ACTR3C: variants seen among roughly 807,000 people sequenced by gnomAD.
The protein encoded by ACTR3C is actin-related protein 3C.
A neutral mutation model predicts 26.3 loss-of-function variants in ACTR3C; 18 were observed. That is an observed-to-expected ratio of 0.68 (90% CI 0.47 to 1.01). The LOEUF is 1.01. Among genes scored for constraint, ACTR3C ranks in the 50% least tolerant of loss-of-function variants. The pLI, the probability that ACTR3C is intolerant of heterozygous loss-of-function variation, is 0.00. For synonymous variants in ACTR3C, 55 were observed against 94.5 expected (o/e 0.58, Z 2.42); for missense variants, 184 against 250.7 (o/e 0.73, Z 1.80).
the ACTR3C span, among the ~76,000 whole-genome samples, chr7:149,967,028 A>ATTTTTTTTTTTTTTTT: frequency 6.2e-5 from 4 of 64,706 alleles, 2 homozygotes; most frequent in Non-Finnish European, 5.7e-5. Context: ...TGCACAGCTA[A>ATTTTTTTTTTTTTTTT]TTTTTTTTTT....
chr7:150,136,262 C>T, the ACTR3C span, among the ~76,000 whole-genome samples: 2 of 152,320 alleles, frequency 1.3e-5, no homozygotes, highest in Non-Finnish European at 2.9e-5. Flanking sequence ...GCGGTAGCGT[C>T]TCCAGAACCT....
At chr7:150,046,705 C>T in the ACTR3C span, among the ~76,000 whole-genome samples, 2 of 143,492 alleles carry the variant, frequency 1.4e-5, no homozygotes, top group Non-Finnish European at 3.0e-5. Context: ...CAGTTTCCTC[C>T]CTTCTAAGTC....
the ACTR3C span, among the ~76,000 whole-genome samples, chr7:149,943,166 T>G: frequency 6.9e-6 from 1 of 145,566 alleles, no homozygotes; most frequent in Non-Finnish European, 1.5e-5. Flanking sequence ...ATCTATGTGT[T>G]GACTATTGCT....
the ACTR3C span, among the ~76,000 whole-genome samples, chr7:149,906,674 C>T: frequency 3.4e-4 from 48 of 141,142 alleles, no homozygotes; most frequent in Non-Finnish European, 7.6e-5. Flanking sequence ...TCAGGTGATT[C>T]GCCCACCTTG....
intron 6 of ACTR3C, among the ~76,000 whole-genome samples, chr7:150,278,772 A>T (rs561141698): frequency 2.0e-5 from 3 of 152,330 alleles, no homozygotes; most frequent in African/African-American, 7.2e-5. Context: ...AATAGAAGTT[A>T]TGAGGGATAT....
At chr7:149,956,341 G>T in the ACTR3C span, among the ~76,000 whole-genome samples, 1 of 152,166 alleles carries the variant, frequency 6.6e-6, no homozygotes, top group Non-Finnish European at 1.5e-5. Flanking sequence ...AGGATCACTT[G>T]AGTCCAGGAG....
chr7:150,035,537 C>T, the ACTR3C span, among the ~76,000 whole-genome samples: 1 of 126,580 alleles, frequency 7.9e-6, no homozygotes, highest in Non-Finnish European at 1.8e-5. Context: ...GGGGTGCCTC[C>T]CCCTCCTGCG....
the ACTR3C span, among the ~76,000 whole-genome samples, chr7:149,992,062 G>A: frequency 1.4e-5 from 2 of 148,008 alleles, 1 homozygote; most frequent in Non-Finnish European, 3.0e-5. Context: ...TTGAGTGTTT[G>A]TTATGTAAGC....
chr7:150,103,816 T>G, the ACTR3C span, among the ~76,000 whole-genome samples: 6 of 152,054 alleles, frequency 3.9e-5, no homozygotes, highest in African/African-American at 1.5e-4. Flanking sequence ...TACACATGAT[T>G]GGTTTCCTTT....
At chr7:150,058,771 T>G in the ACTR3C span, among the ~76,000 whole-genome samples, 1 of 151,992 alleles carries the variant, frequency 6.6e-6, no homozygotes, top group Non-Finnish European at 1.5e-5. Context: ...AAAAATTAGC[T>G]GGACCTGGTG....
At chr7:150,203,802 G>C in the ACTR3C span, among the ~76,000 whole-genome samples, 2 of 152,054 alleles carry the variant, frequency 1.3e-5, no homozygotes, top group Admixed American at 1.3e-4. Flanking sequence ...CTTGACCTCA[G>C]GTGATCCACC....
chr7:150,287,835 C>T (rs1835908969), intron 4 of ACTR3C, among the ~76,000 whole-genome samples: 2 of 145,168 alleles, frequency 1.4e-5, no homozygotes, highest in African/African-American at 5.4e-5. Flanking sequence ...GAGACAAAGG[C>T]ATTCAGTTCT....
intron 1 of ACTR3C, 134 bp downstream of exon 1, chr7:150,323,335 G>C (rs1343851289): frequency 7.3e-6 from 2 of 273,822 alleles, no homozygotes; most frequent in Non-Finnish European, 1.4e-5. Context: ...CTTTGGCCAG[G>C]CCCCCTGGGC....
At chr7:150,130,303 GA>G in the ACTR3C span, among the ~76,000 whole-genome samples, 3 of 152,036 alleles carry the variant, frequency 2.0e-5, no homozygotes, top group East Asian at 3.9e-4. Flanking sequence ...AATCACAAAA[GA>G]AAAAAATTGA....
intron 6 of ACTR3C, among the ~76,000 whole-genome samples, chr7:150,279,615 A>T (rs963163815): frequency 6.6e-6 from 1 of 151,982 alleles, no homozygotes; most frequent in Admixed American, 6.5e-5. Flanking sequence ...GCTCTGGCCA[A>T]AACAGGCACC....
chr7:150,314,766 C>T (rs1406513330), intron 1 of ACTR3C, among the ~76,000 whole-genome samples: 1 of 144,650 alleles, frequency 6.9e-6, no homozygotes, highest in Non-Finnish European at 1.5e-5. Context: ...AAAATCCCAT[C>T]TCTCCAAAAA....
the ACTR3C span, among the ~76,000 whole-genome samples, chr7:149,937,332 A>C: frequency 6.7e-6 from 1 of 150,066 alleles, no homozygotes; most frequent in African/African-American, 2.5e-5. Context: ...ATTTTTGTTG[A>C]GAGGAGAGAG....
chr7:150,300,285 G>T (rs1203945470), intron 1 of ACTR3C, among the ~76,000 whole-genome samples: 1 of 152,098 alleles, frequency 6.6e-6, no homozygotes, highest in East Asian at 1.9e-4. Context: ...CCGGGAGGCG[G>T]AGGTTGCGGT....
chr7:149,992,203 T>C, the ACTR3C span, among the ~76,000 whole-genome samples: 1 of 152,198 alleles, frequency 6.6e-6, no homozygotes. Flanking sequence ...AGCCGAAGGG[T>C]CCCTGAGAAA....
Sources: gnomAD v4.1 joint callset for allele counts (sites outside exome capture counted in the v4.1 genomes callset) on GRCh38, gnomAD v4.1.1 for gene constraint, MANE v1.5 for transcripts, NCBI Gene and HGNC (gene_info 2026-07-23, HGNC 2026-07-21) for gene names.